PLG: variants seen among roughly 807,000 people sequenced by gnomAD.
PLG encodes the protein plasminogen.
PLG carries 41 observed loss-of-function variants against 104.4 expected under a neutral mutation model. The ratio of observed to expected loss-of-function variants is 0.39; its 90% CI spans 0.31 to 0.51. The LOEUF is 0.51. Among genes scored for constraint, PLG ranks in the 20% least tolerant of loss-of-function variants. PLG has a pLI of 0.76. For synonymous variants in PLG, 337 were observed against 357.1 expected, an observed-to-expected ratio of 0.94 and a Z score of 0.63; for missense variants, 891 against 1,003.6, an observed-to-expected ratio of 0.89 and a Z score of 1.52.
In PLG at chr6:160,730,929, C is replaced by A. The variant is rs185351722; in HGVS notation, c.1257-122C>A. 7.6e-5 allele frequency: 68 copies of A among 899,194 alleles called. No individual in the cohort carries two copies. The African/African-American group carries it at 1.0e-3, about 13-fold the overall frequency. 55.7% of individuals were successfully genotyped at this position (899,194 alleles called of 1,614,324 possible). ...TTTTGTTTGTTACAACATTATTGTA[C>A]CTATAATGGGAATATTTCAAAGCCA... is the stretch of plus-strand genomic sequence containing the variant. On this transcript the variant is annotated intron_variant, in intron 10 of 18. Transcript: ENST00000308192.
At chr6:160,718,198 G>T in intron 7 of PLG, 96 bp from the exon 8 acceptor site, 1 of 1,039,928 alleles carries the variant, frequency 9.6e-7, no homozygotes, top group Non-Finnish European at 1.5e-6. Flanking sequence ...GTTGCAGTGA[G>T]CTGAGATCGT....
rs1777907673 is a variant in PLG, at chr6:160,725,474, A to G, written c.1256+2907A>G. Among the ~76,000 whole-genome samples, 1 of 152,092 alleles carries G rather than the reference A, an allele frequency of 6.6e-6. No individual in the cohort carries two copies. Among genetic ancestry groups the G allele is most frequent in the Admixed American group, 6.6e-5 (1 of 15,254 alleles). On this transcript the variant is annotated intron_variant, in intron 10 of 18. Coordinates refer to ENST00000308192, the MANE Select transcript of PLG (RefSeq NM_000301.5). The surrounding 1 kb of genome is among the most constrained non-coding windows in gnomAD (Gnocchi z 6.3). Reference sequence around the variant, plus strand: ...AACAACTGAAAAAATTTAAACTTAGAGGAATAGATAATAATAAGAATGTTC... The same window carrying G: ...AACAACTGAAAAAATTTAAACTTAGGGGAATAGATAATAATAAGAATGTTC...
chr6:160,734,887 G>T lies in PLG; in HGVS notation c.1681+799G>T, dbSNP rs914847855. On this transcript the variant is annotated intron_variant, in intron 13 of 18. Transcript: ENST00000308192. The surrounding 1 kb of genome is among the most constrained non-coding windows in gnomAD (Gnocchi z 4.4). Reference sequence around the variant, plus strand: ...AATTTGGTTGCTTGTGGTTGGGTCTGCCATGTGGAGGGACCTTGAGCTGGG... The same window carrying T: ...AATTTGGTTGCTTGTGGTTGGGTCTTCCATGTGGAGGGACCTTGAGCTGGG... 2.6e-5 allele frequency among the ~76,000 whole-genome samples: 4 copies of T among 152,140 alleles called. No individual in the cohort carries two copies. The highest frequency in any genetic ancestry group is 5.9e-5 in the Non-Finnish European group (4 of 68,036).
intron 5 of PLG, 82 bp downstream of exon 5, chr6:160,713,207 A>T: frequency 3.8e-6 from 4 of 1,055,688 alleles, no homozygotes; most frequent in South Asian, 2.5e-5. Context: ...TCCCACAGGG[A>T]TGTTATTAAT....
At position 160,737,488 on chromosome 6, in the gene PLG, C is replaced by G. The variant is rs1315755617; in HGVS notation, c.1802+481C>G. 2.0e-5 allele frequency among the ~76,000 whole-genome samples: 3 copies of G among 152,234 alleles called. No homozygotes were observed. Among genetic ancestry groups the G allele is most frequent in the African/African-American group, 7.2e-5 (3 of 41,470 alleles). On this transcript the variant is annotated intron_variant, in intron 14 of 18. Coordinates refer to ENST00000308192, the MANE Select transcript of PLG (RefSeq NM_000301.5). This position sits in a 1 kb window ranked among gnomAD's most constrained non-coding sequence, Gnocchi z 4.7. ...CATTGAATTCAATGCAGAGGCTACT[C>G]ATCCATTCGCAAACAAAAAAATTCT... is the stretch of plus-strand genomic sequence containing the variant.
In PLG at chr6:160,723,402, G is replaced by C. The variant is rs1265137546; in HGVS notation, c.1256+835G>C. The stretch of plus-strand genomic sequence containing the variant: ...AACTATTTTTACATATTGGAGAACA[G>C]ATAAACTGAGATAATTTAGAAAGGG... On this transcript the variant is annotated intron_variant, in intron 10 of 18. Transcript: ENST00000308192. This position sits in a 1 kb window ranked among gnomAD's most constrained non-coding sequence, Gnocchi z 4.7. 6.6e-6 allele frequency among the ~76,000 whole-genome samples: 1 copy of C among 152,134 alleles called. No homozygotes were observed. The highest frequency in any genetic ancestry group is 1.9e-4 in the East Asian group (1 of 5,188).
rs956467375 is a variant in PLG, at chr6:160,723,105, G to A, written c.1256+538G>A. Reference sequence around the variant, plus strand: ...ATACATATATAGTGTGTATATATATGTACACATATATGTGTGTATATATAT... The same window carrying A: ...ATACATATATAGTGTGTATATATATATACACATATATGTGTGTATATATAT... On this transcript the variant is annotated intron_variant, in intron 10 of 18. Coordinates refer to ENST00000308192, the MANE Select transcript of PLG (RefSeq NM_000301.5). The surrounding 1 kb of genome is among the most constrained non-coding windows in gnomAD (Gnocchi z 4.7). Among the ~76,000 whole-genome samples, 2 of 150,584 alleles carry A rather than the reference G, an allele frequency of 1.3e-5. No individual in the cohort carries two copies. The highest frequency in any genetic ancestry group is 1.5e-5 in the Non-Finnish European group (1 of 67,770).
In PLG at chr6:160,741,762, A is replaced by G. The variant is rs1023490664; in HGVS notation, c.2125+345A>G. 7.9e-5 allele frequency among the ~76,000 whole-genome samples: 12 copies of G among 152,298 alleles called. No individual in the cohort carries two copies. Among genetic ancestry groups the G allele is most frequent in the African/African-American group, 2.6e-4 (11 of 41,548 alleles). ...ATGCAGATTATTTTGTCACCTAGGT[A>G]CTAACCCTAGTACCCAATTCTTAGT... On this transcript the variant is annotated intron_variant, in intron 17 of 18. Transcript: ENST00000308192. This position sits in a 1 kb window ranked among gnomAD's most constrained non-coding sequence, Gnocchi z 4.7.
At chr6:160,716,791 G>A (rs1316958127) in intron 7 of PLG, 28 bp downstream of exon 7, 2 of 1,310,116 alleles carry the variant, frequency 1.5e-6, no homozygotes, top group South Asian at 1.2e-5. Flanking sequence ...CCAGATTCCA[G>A]GATTTGGACC....
rs1778111603 is a variant in PLG, at chr6:160,737,765, T to C, written c.1802+758T>C. Among the ~76,000 whole-genome samples, 1 of 152,214 alleles carries C rather than the reference T, an allele frequency of 6.6e-6. No homozygotes were observed. Among genetic ancestry groups the C allele is most frequent in the Non-Finnish European group, 1.5e-5 (1 of 68,046 alleles). On this transcript the variant is annotated intron_variant, in intron 14 of 18. Coordinates refer to ENST00000308192, the MANE Select transcript of PLG (RefSeq NM_000301.5). This position sits in a 1 kb window ranked among gnomAD's most constrained non-coding sequence, Gnocchi z 4.7. ...TTTTCCATAAGTTTGTGAAATGCCA[T>C]CGACAAACCTGATCGCATTGCATTT...
At position 160,732,013 on chromosome 6, in the gene PLG, A is replaced by C; in HGVS notation, c.1587+120A>C. 1 of 1,034,108 alleles carries C rather than the reference A, an allele frequency of 9.7e-7. No individual in the cohort carries two copies. The highest frequency in any genetic ancestry group is 2.4e-5 in the East Asian group (1 of 41,996). 64.1% of individuals were successfully genotyped at this position (1,034,108 alleles called of 1,614,324 possible). A position where few individuals can be genotyped will look rare whatever the true frequency, so the allele number is the denominator to read the frequency against. On this transcript the variant is annotated intron_variant, in intron 12 of 18. Transcript: ENST00000308192. The surrounding 1 kb of genome is among the most constrained non-coding windows in gnomAD (Gnocchi z 4.5). ...TCTTTTTTGTAATGGGGGAGAGGGG[A>C]CAGAAGAAAATATTGGAAAGGCATC...
chr6:160,731,113 C>G lies in PLG; in HGVS notation c.1319C>G (p.Thr440Arg). ...DADKGPWCFTTDPSVRWEYCN... is the reference protein window; with the variant it reads ...DADKGPWCFTRDPSVRWEYCN... Reference sequence around the variant, plus strand: ...GATAAAGGCCCCTGGTGTTTTACCACAGACCCCAGCGTCAGGTGGGAGTAC... The same window carrying G: ...GATAAAGGCCCCTGGTGTTTTACCAGAGACCCCAGCGTCAGGTGGGAGTAC... The change falls in exon 11 of 19, where the codon ACA (threonine) becomes AGA (arginine). Residue 440 changes from threonine (T) to arginine (R), a missense_variant. Physicochemically the swap from Thr to Arg is moderately conservative, Grantham distance 71 (BLOSUM62 -1). Around this residue, in one of 2 missense-constraint regions of PLG, gnomAD observed 854 missense variants for 932.1 expected, o/e 0.92. Transcript: ENST00000308192. This position sits in a 1 kb window ranked among gnomAD's most constrained non-coding sequence, Gnocchi z 5.1. The G allele has an allele frequency of 6.2e-7, 1 of 1,614,028 alleles. No homozygotes were observed. Among genetic ancestry groups the G allele is most frequent in the Non-Finnish European group, 8.5e-7 (1 of 1,179,938 alleles).
intron 4 of PLG, among the ~76,000 whole-genome samples, chr6:160,712,583 A>G (rs1412370124): frequency 1.3e-5 from 2 of 152,246 alleles, no homozygotes; most frequent in Non-Finnish European, 2.9e-5. Flanking sequence ...ATGTGTGGAA[A>G]GATGTTAGTG....
chr6:160,751,374 C>A (rs1440513460), intron 17 of PLG, among the ~76,000 whole-genome samples: 1 of 152,132 alleles, frequency 6.6e-6, no homozygotes, highest in Admixed American at 6.5e-5. Flanking sequence ...AACAGTAGAA[C>A]AGAAATGATA....
chr6:160,736,979 T>C lies in PLG; in HGVS notation c.1774T>C (p.Trp592Arg), dbSNP rs1196634490. 1 of 1,613,770 alleles carries C rather than the reference T, an allele frequency of 6.2e-7. No homozygotes were observed. ...VGGCVAHPHS[W>R]PWQVSLRTRF... Reference sequence around the variant, plus strand: ...GGGGTGTGTGGCCCACCCACATTCCTGGCCCTGGCAAGTCAGTCTTAGAAC... The same window carrying C: ...GGGGTGTGTGGCCCACCCACATTCCCGGCCCTGGCAAGTCAGTCTTAGAAC... The change falls in exon 14 of 19, where the codon TGG becomes CGG. Residue 592 changes from tryptophan (W) to arginine (R), a missense_variant. Physicochemically the swap from Trp to Arg is moderately radical, Grantham distance 101. Around this residue, in one of 2 missense-constraint regions of PLG, gnomAD observed 854 missense variants for 932.1 expected, o/e 0.92. Coordinates refer to ENST00000308192, the MANE Select transcript of PLG (RefSeq NM_000301.5). The surrounding 1 kb of genome is among the most constrained non-coding windows in gnomAD (Gnocchi z 5.2).
chr6:160,719,079 T>TG lies in PLG; in HGVS notation c.1096+245dup, dbSNP rs764585030. ...GAATGTGTCTTCTGCGGTTGTTGGG[T>TG]GGGGTGTTCCCTCAAGGTCATTTAG... On this transcript the variant is annotated intron_variant, in intron 9 of 18. Transcript: ENST00000308192. This position sits in a 1 kb window ranked among gnomAD's most constrained non-coding sequence, Gnocchi z 4.1. Among the ~76,000 whole-genome samples, 1 of 152,210 alleles carries TG rather than the reference T, an allele frequency of 6.6e-6. No homozygotes were observed. The highest frequency in any genetic ancestry group is 1.5e-5 in the Non-Finnish European group (1 of 68,032).
At position 160,752,809 on chromosome 6, in the gene PLG, AAAT is replaced by A. The variant is rs1205799945; in HGVS notation, c.2272-90_2272-88del. 2 of 1,422,362 alleles carry A rather than the reference AAAT, an allele frequency of 1.4e-6. No individual in the cohort carries two copies. The highest frequency in any genetic ancestry group is 2.0e-6 in the Non-Finnish European group (2 of 1,006,592). 88.1% of individuals were successfully genotyped at this position (1,422,362 alleles called of 1,614,324 possible). Reference sequence around the variant, plus strand: ...TCCTTTCTGATTTCAATTACTGGGAAAATGTATATATGGATAGTAGAAGGATGG... The same window carrying A: ...TCCTTTCTGATTTCAATTACTGGGAAGTATATATGGATAGTAGAAGGATGG... On this transcript the variant is annotated intron_variant, in intron 18 of 18. Coordinates refer to ENST00000308192, the MANE Select transcript of PLG (RefSeq NM_000301.5). This position sits in a 1 kb window ranked among gnomAD's most constrained non-coding sequence, Gnocchi z 4.7.
Position 160,752,184 on chromosome 6 carries a change from A to T in PLG, c.2195A>T (p.Tyr732Phe). 6.2e-7 allele frequency: 1 copy of T among 1,612,762 alleles called. No individual in the cohort carries two copies. The highest frequency in any genetic ancestry group is 1.1e-5 in the South Asian group (1 of 91,036). Residue 732 changes from tyrosine (Y) to phenylalanine (F), a missense_variant, in exon 18 of 19, where the codon TAT (tyrosine) becomes TTT (phenylalanine). This residue lies in a region of PLG where 854 missense variants were observed against 932.1 expected (regional missense o/e 0.92). Coordinates refer to ENST00000308192, the MANE Select transcript of PLG (RefSeq NM_000301.5). The surrounding 1 kb of genome is among the most constrained non-coding windows in gnomAD (Gnocchi z 4.7). ...ATTGAGAATAAAGTGTGCAATCGCT[A>T]TGAGTTTCTGAATGGAAGAGTCCAA... ...PVIENKVCNR[Y>F]EFLNGRVQST...
chr6:160,720,409 T>C (rs1777809810), intron 9 of PLG, among the ~76,000 whole-genome samples: 2 of 116,444 alleles, frequency 1.7e-5, no homozygotes, highest in Non-Finnish European at 3.4e-5. Context: ...TCTTTTCTTT[T>C]CTTTTTTTTT....
Sources: allele counts gnomAD v4.1 joint callset (sites outside exome capture counted in the v4.1 genomes callset), GRCh38; gene constraint gnomAD v4.1.1; regional missense constraint gnomAD v4.1.1; non-coding constraint Gnocchi (gnomAD v3.1); transcripts MANE v1.5; gene names NCBI Gene and HGNC (gene_info 2026-07-23, HGNC 2026-07-21).